The following KCNIP4 variants were observed in gnomAD, a reference collection of about 807,000 sequenced individuals.
KCNIP4 encodes the protein potassium voltage-gated channel interacting protein 4, also known as Kv channel-interacting protein 4.
A neutral mutation model predicts 34.0 loss-of-function variants in KCNIP4; 12 were observed. The ratio of observed to expected loss-of-function variants is 0.35; its 90% CI spans 0.23 to 0.57. The LOEUF (loss-of-function observed/expected upper bound fraction) is 0.57, where lower values mean the gene tolerates loss of function less well. KCNIP4 is among the 20% of genes least tolerant of loss of function. The pLI is 0.83. For missense variants in KCNIP4, 238 were observed against 311.7 expected, an observed-to-expected ratio of 0.76 and a Z score of 1.78; for synonymous variants, 124 against 102.2, an observed-to-expected ratio of 1.21 and a Z score of -1.29.
intron 1 of KCNIP4, among the ~76,000 whole-genome samples, chr4:21,256,053 T>TA (rs58937610): frequency 0.26 from 37,901 of 147,406 alleles, 8,016 homozygotes; most frequent in African/African-American, 0.58. Flanking sequence ...GCTAGCAAGG[T>TA]AAAAAAAAAA....
intron 2 of KCNIP4, among the ~76,000 whole-genome samples, chr4:20,860,977 T>A (rs925740129): frequency 2.4e-4 from 36 of 152,138 alleles, no homozygotes; most frequent in Non-Finnish European, 4.9e-4. Flanking sequence ...CAAAAACTTG[T>A]AGAGGGATGA....
chr4:21,798,511 GGAAA>G lies in KCNIP4; in HGVS notation c.61+150056_61+150059del, dbSNP rs1442611170. Among the ~76,000 whole-genome samples the G allele has an allele frequency of 2.6e-3, 157 of 60,094 alleles. 1 individual carries two copies. Among genetic ancestry groups the G allele is most frequent in the African/African-American group, 0.01 (147 of 14,564 alleles). The allele number at this position is 60,094 out of a possible 152,430, so 39.4% of individuals were successfully genotyped here. A position where few individuals can be genotyped will look rare whatever the true frequency, so the allele number is the denominator to read the frequency against. ...GCCTGGGTGAGAAAGCAAGACCCTG[GGAAA>G]AAAAAAAAAAAAAAAAAGGAAAGAG... On this transcript the variant is annotated intron_variant, in intron 1 of 8. Coordinates refer to ENST00000382152, the MANE Select transcript of KCNIP4 (RefSeq NM_025221.6).
intron 1 of KCNIP4, among the ~76,000 whole-genome samples, chr4:21,068,773 GTTTA>G (rs1386446567): frequency 1.3e-5 from 2 of 152,018 alleles, no homozygotes; most frequent in African/African-American, 4.8e-5. Context: ...TTATTTATTT[GTTTA>G]TTGTCTAGCT....
chr4:21,286,012 A>G (rs1763100956), intron 1 of KCNIP4, among the ~76,000 whole-genome samples: 1 of 152,236 alleles, frequency 6.6e-6, no homozygotes. Flanking sequence ...ATTGCTCGCC[A>G]GAGCACTCAG....
chr4:21,202,887 T>C (rs753213970), intron 1 of KCNIP4, among the ~76,000 whole-genome samples: 5 of 152,108 alleles, frequency 3.3e-5, no homozygotes, highest in South Asian at 2.1e-4. Context: ...TTGGCCACAA[T>C]AGGAATATAT....
chr4:21,277,159 G>A (rs1023363457), intron 1 of KCNIP4, among the ~76,000 whole-genome samples: 2 of 152,134 alleles, frequency 1.3e-5, no homozygotes, highest in African/African-American at 4.8e-5. Flanking sequence ...TGTGGCCCCA[G>A]AGAAAAGATC....
intron 1 of KCNIP4, chr4:21,846,573 A>G (rs181743601): frequency 6.6e-6 from 1 of 152,314 alleles, no homozygotes; most frequent in Non-Finnish European, 1.5e-5. Context: ...AGTATAGCAT[A>G]CATTCAATAA....
At chr4:21,802,124 A>C (rs1721038960) in intron 1 of KCNIP4, among the ~76,000 whole-genome samples, 2 of 152,108 alleles carry the variant, frequency 1.3e-5, no homozygotes, top group Non-Finnish European at 1.5e-5. Flanking sequence ...ACTGAAGTGC[A>C]GACTGTTGCC....
intron 5 of KCNIP4, among the ~76,000 whole-genome samples, chr4:20,739,450 CAG>C (rs1188244919): frequency 1.3e-5 from 2 of 152,180 alleles, no homozygotes; most frequent in East Asian, 1.9e-4. Flanking sequence ...ACCAGGCAAA[CAG>C]GGTCTGGAGT....
intron 1 of KCNIP4, among the ~76,000 whole-genome samples, chr4:21,023,038 G>A (rs1018708027): frequency 6.6e-6 from 1 of 152,064 alleles, no homozygotes; most frequent in African/African-American, 2.4e-5. Context: ...GGTCAGGCTG[G>A]TCTCGAAGTC....
intron 1 of KCNIP4, among the ~76,000 whole-genome samples, chr4:21,369,734 G>A (rs933025831): frequency 1.4e-5 from 2 of 147,078 alleles, no homozygotes; most frequent in Admixed American, 6.6e-5. Context: ...TTACAAAAGA[G>A]GAAAGTGAGG....
intron 1 of KCNIP4, among the ~76,000 whole-genome samples, chr4:21,100,368 T>C (rs1747828455): frequency 6.6e-6 from 1 of 152,020 alleles, no homozygotes; most frequent in African/African-American, 2.4e-5. Context: ...CTGGCTAACA[T>C]GGTGAAACTC....
chr4:21,192,942 ACTACTAC>A (rs767752121), intron 1 of KCNIP4, among the ~76,000 whole-genome samples: 1 of 145,762 alleles, frequency 6.9e-6, no homozygotes, highest in Non-Finnish European at 1.5e-5. Context: ...TACTACTACT[ACTACTAC>A]TACTAATAAT....
intron 1 of KCNIP4, among the ~76,000 whole-genome samples, chr4:21,308,835 T>C (rs894859762): frequency 1.3e-5 from 2 of 152,062 alleles, no homozygotes; most frequent in African/African-American, 4.8e-5. Context: ...ACGTAACTAC[T>C]GAGGAGGGTG....
At chr4:21,102,962 G>A (rs970321203) in intron 1 of KCNIP4, among the ~76,000 whole-genome samples, 2 of 151,826 alleles carry the variant, frequency 1.3e-5, no homozygotes, top group Non-Finnish European at 2.9e-5. Context: ...TGGCTGGTAG[G>A]AAAAAAAGAA....
At chr4:21,472,298 G>T (rs767350512) in intron 1 of KCNIP4, among the ~76,000 whole-genome samples, 4 of 152,050 alleles carry the variant, frequency 2.6e-5, no homozygotes, top group South Asian at 4.1e-4. Context: ...AGGACCCCGA[G>T]ATCGTAGGAG....
At chr4:21,661,377 A>G (rs1455000355) in intron 1 of KCNIP4, among the ~76,000 whole-genome samples, 1 of 152,114 alleles carries the variant, frequency 6.6e-6, no homozygotes, top group East Asian at 1.9e-4. Flanking sequence ...CACTTAAGCC[A>G]TTCTTGGATA....
chr4:21,820,291 A>G (rs1028722709), intron 1 of KCNIP4, among the ~76,000 whole-genome samples: 8 of 12,106 alleles, frequency 6.6e-4, no homozygotes, highest in Admixed American at 1.2e-3. Context: ...GTGTGTATAT[A>G]TATATATATA....
At chr4:20,755,742 G>A (rs1024860123) in intron 4 of KCNIP4, among the ~76,000 whole-genome samples, 1 of 152,176 alleles carries the variant, frequency 6.6e-6, no homozygotes, top group Non-Finnish European at 1.5e-5. Flanking sequence ...TGGCATTGGC[G>A]TAAATGCAAA....
Sources: gnomAD v4.1 joint callset for allele counts (sites outside exome capture counted in the v4.1 genomes callset) on GRCh38, gnomAD v4.1.1 for gene constraint, MANE v1.5 for transcripts, NCBI Gene and HGNC (gene_info 2026-07-23, HGNC 2026-07-21) for gene names.